Variants in GLRA2 observed in about 807,000 individuals in gnomAD.
The protein encoded by GLRA2 is glycine receptor subunit alpha-2.
A neutral mutation model predicts 31.6 loss-of-function variants in GLRA2; 11 were observed. The ratio of observed to expected loss-of-function variants is 0.35; its 90% confidence interval spans 0.22 to 0.58. The LOEUF (loss-of-function observed/expected upper bound fraction) is 0.58. Among genes scored for constraint, GLRA2 ranks in the 20% least tolerant of loss-of-function variants. GLRA2 has a pLI of 0.84. For synonymous variants in GLRA2, 132 were observed against 134.0 expected, an observed-to-expected ratio of 0.99 and a Z score of 0.10; for missense variants, 212 against 351.8, an observed-to-expected ratio of 0.60 and a Z score of 3.18.
At chrX:14,449,695 T>C in the GLRA2 span, among the ~76,000 whole-genome samples, 3 of 112,295 alleles carry the variant, frequency 2.7e-5, no homozygotes, top group Non-Finnish European at 5.6e-5. Flanking sequence ...GCCTGCAGCC[T>C]GGGAGCAGTT....
At chrX:14,531,959 A>G (rs778124691) in intron 1 of GLRA2, among the ~76,000 whole-genome samples, 1 of 111,831 alleles carries the variant, frequency 8.9e-6, no homozygotes, top group South Asian at 3.7e-4. Context: ...CATAAAATCT[A>G]CAACCTAAAA....
intron 8 of GLRA2, among the ~76,000 whole-genome samples, chrX:14,718,082 C>T (rs2091816150): frequency 9.0e-6 from 1 of 110,711 alleles, no homozygotes; most frequent in Non-Finnish European, 1.9e-5. Flanking sequence ...TATGACATTA[C>T]ATTATAGTGC....
At chrX:14,589,456 G>A (rs1299389611) in intron 4 of GLRA2, among the ~76,000 whole-genome samples, 1 of 101,973 alleles carries the variant, frequency 9.8e-6, no homozygotes, top group Non-Finnish European at 2.0e-5. Context: ...TCAGGAGATC[G>A]AGACCATCCT....
chrX:14,469,165 T>C, the GLRA2 span, among the ~76,000 whole-genome samples: 1 of 111,422 alleles, frequency 9.0e-6, no homozygotes, highest in Non-Finnish European at 1.9e-5. Context: ...AGCTCTTTAG[T>C]TTAATTAGAT....
intron 7 of GLRA2, among the ~76,000 whole-genome samples, chrX:14,651,709 A>T (rs986567362): frequency 1.8e-5 from 2 of 111,762 alleles, no homozygotes; most frequent in African/African-American, 6.5e-5. Flanking sequence ...ATTGTCTAAC[A>T]ACACATTTTG....
At chrX:14,644,846 T>C (rs1287732553) in intron 7 of GLRA2, among the ~76,000 whole-genome samples, 1 of 112,038 alleles carries the variant, frequency 8.9e-6, no homozygotes, top group African/African-American at 3.2e-5. Context: ...AAGAAAATAA[T>C]TCAGTTCAGT....
intron 7 of GLRA2, among the ~76,000 whole-genome samples, chrX:14,662,313 A>G (rs994977895): frequency 1.8e-5 from 2 of 111,976 alleles, no homozygotes; most frequent in Admixed American, 1.9e-4. Context: ...CATGATCAAC[A>G]AGGCAGTTTT....
chrX:14,458,219 G>T, the GLRA2 span, among the ~76,000 whole-genome samples: 1 of 111,197 alleles, frequency 9.0e-6, no homozygotes, highest in African/African-American at 3.3e-5. Flanking sequence ...TTTTATGGCT[G>T]CATAGTATTC....
chrX:14,668,274 C>A (rs2147154744), intron 7 of GLRA2, among the ~76,000 whole-genome samples: 1 of 112,065 alleles, frequency 8.9e-6, no homozygotes, highest in Non-Finnish European at 1.9e-5. Flanking sequence ...GGAAGGCAGT[C>A]TTTTATAACC....
chrX:14,568,552 G>T (rs2089837199), intron 2 of GLRA2, among the ~76,000 whole-genome samples: 1 of 110,248 alleles, frequency 9.1e-6, no homozygotes, highest in African/African-American at 3.3e-5. Flanking sequence ...AATTAGCCGG[G>T]CGTGGTGGCA....
chrX:14,561,122 T>C lies in GLRA2; in HGVS notation c.203-13211T>C, dbSNP rs187794552. 5.6e-4 allele frequency among the ~76,000 whole-genome samples: 63 copies of C among 112,123 alleles called. 2 individuals carry two copies. The highest frequency in any genetic ancestry group is 5.3e-3 in the Admixed American group (56 of 10,574). ...CTCCTAACGCTTGTGATAAATAGTG[T>C]TCTGATTCAGGCTTGATGGTTTTTC... is the stretch of plus-strand genomic sequence containing the variant. On this transcript the variant is annotated intron_variant, in intron 2 of 8. Transcript: ENST00000218075.
chrX:14,535,732 C>G (rs764549161), intron 2 of GLRA2, among the ~76,000 whole-genome samples: 1 of 112,593 alleles, frequency 8.9e-6, no homozygotes, highest in African/African-American at 3.2e-5. Context: ...TCTTTCCCCA[C>G]TTAGGTGATT....
the GLRA2 span, among the ~76,000 whole-genome samples, chrX:14,473,947 T>C: frequency 8.9e-6 from 1 of 112,086 alleles, no homozygotes; most frequent in Non-Finnish European, 1.9e-5. Flanking sequence ...CCTGCTGTTC[T>C]ATTACATAAG....
At chrX:14,687,608 C>T (rs375814557) in intron 7 of GLRA2, among the ~76,000 whole-genome samples, 2 of 112,347 alleles carry the variant, frequency 1.8e-5, no homozygotes, top group African/African-American at 6.5e-5. Context: ...GCTACTGAAG[C>T]TTGTGCATGC....
chrX:14,657,891 C>T (rs2090955617), intron 7 of GLRA2, among the ~76,000 whole-genome samples: 1 of 111,752 alleles, frequency 8.9e-6, no homozygotes, highest in East Asian at 2.8e-4. Context: ...AATATAACAA[C>T]ATGGACTTAC....
At chrX:14,532,850 G>C (rs2146999753) in intron 2 of GLRA2, among the ~76,000 whole-genome samples, 1 of 111,697 alleles carries the variant, frequency 9.0e-6, no homozygotes, top group Non-Finnish European at 1.9e-5. Context: ...GTAAGAAGAG[G>C]TTCTAATTTT....
intron 7 of GLRA2, among the ~76,000 whole-genome samples, chrX:14,650,627 T>A (rs1010512627): frequency 9.0e-6 from 1 of 110,988 alleles, no homozygotes. Flanking sequence ...CCAAAAAAAA[T>A]GTAACTTGTG....
At chrX:14,525,992 G>T (rs1022827064), upstream of GLRA2, among the ~76,000 whole-genome samples, 3 of 112,214 alleles carry the variant, frequency 2.7e-5, no homozygotes, top group Non-Finnish European at 5.6e-5. Flanking sequence ...TGCAAAGCTT[G>T]CTACATAAGC....
chrX:14,724,937 AT>A (rs776484020), intron 8 of GLRA2, among the ~76,000 whole-genome samples: 109 of 111,527 alleles, frequency 9.8e-4, no homozygotes, highest in Non-Finnish European at 1.9e-3. Context: ...AATGGAAGCC[AT>A]TTGGGATTTG....
Sources: allele counts gnomAD v4.1 joint callset (sites outside exome capture counted in the v4.1 genomes callset), GRCh38; gene constraint gnomAD v4.1.1; transcripts MANE v1.5; gene names NCBI Gene and HGNC (gene_info 2026-07-23, HGNC 2026-07-21).